RBFOX1: variants seen among roughly 807,000 people sequenced by gnomAD.
RBFOX1 encodes the protein RNA binding fox-1 homolog 1.
Under a neutral mutation model 57.7 loss-of-function variants are expected in RBFOX1, and 8 were observed. The ratio of observed to expected loss-of-function variants is 0.14; its 90% CI spans 0.08 to 0.25. The LOEUF (loss-of-function observed/expected upper bound fraction) is 0.25. Ranked by LOEUF, RBFOX1 falls within the 10% of genes least tolerant of loss-of-function variation. The pLI is 1.00. For missense variants in RBFOX1, 611 were observed against 548.5 expected (o/e 1.11, Z -1.14); for synonymous variants, 326 against 222.4 (o/e 1.47, Z -4.15).
intron 3 of RBFOX1, among the ~76,000 whole-genome samples, chr16:5,705,276 GT>G: frequency 6.6e-6 from 1 of 151,992 alleles, no homozygotes; most frequent in East Asian, 1.9e-4. Context: ...TATTTTTTTA[GT>G]TTTAGACAGG....
chr16:6,127,275 C>T (rs2096596701), intron 1 of RBFOX1, among the ~76,000 whole-genome samples: 1 of 141,454 alleles, frequency 7.1e-6, no homozygotes, highest in South Asian at 2.2e-4. Context: ...TTTTGTCTCT[C>T]TCTTTTTTTA....
intron 4 of RBFOX1, among the ~76,000 whole-genome samples, chr16:7,435,393 A>G (rs9931840): frequency 0.01 from 1,551 of 152,142 alleles, 23 homozygotes; most frequent in African/African-American, 0.035. Context: ...ACATATTATG[A>G]AAATGACTTA....
chr16:5,446,008 T>A (rs948218626), intron 1 of RBFOX1, among the ~76,000 whole-genome samples: 2 of 152,228 alleles, frequency 1.3e-5, no homozygotes, highest in Non-Finnish European at 2.9e-5. Flanking sequence ...AACAATCACA[T>A]TGATTTTTTG....
At chr16:6,295,187 G>A (rs1161945546) in intron 1 of RBFOX1, among the ~76,000 whole-genome samples, 1 of 149,478 alleles carries the variant, frequency 6.7e-6, no homozygotes, top group Non-Finnish European at 1.5e-5. Context: ...GCAGTGGTGC[G>A]ATCTCAGCTT....
At position 5,315,249 on chromosome 16, in the gene RBFOX1, G is replaced by A. The variant is rs559895687; in HGVS notation, c.219+75144G>A. 2.6e-5 allele frequency among the ~76,000 whole-genome samples: 4 copies of A among 152,296 alleles called. No homozygotes were observed. The South Asian group carries it at 8.3e-4, about 32-fold the overall frequency. On this transcript the variant is annotated intron_variant, in intron 1 of 2. Transcript: ENST00000585867. ...CGATGAGGCCCATCTGCTGTGGGAC[G>A]GGGGAGGAGGCCGTCCGTCTGTCCA...
chr16:6,793,902 C>A (rs1170147520), intron 3 of RBFOX1, among the ~76,000 whole-genome samples: 1 of 152,006 alleles, frequency 6.6e-6, no homozygotes, highest in Non-Finnish European at 1.5e-5. Context: ...ACATCTATCT[C>A]CCTCTTGAGC....
At chr16:5,364,567 A>T (rs549008646) in intron 1 of RBFOX1, among the ~76,000 whole-genome samples, 2 of 152,176 alleles carry the variant, frequency 1.3e-5, no homozygotes, top group Non-Finnish European at 2.9e-5. Context: ...CTTTGTGATG[A>T]TACTTACTCC....
intron 4 of RBFOX1, among the ~76,000 whole-genome samples, chr16:5,949,525 CAAA>C (rs59221283): frequency 8.4e-4 from 27 of 32,296 alleles, no homozygotes; most frequent in Non-Finnish European, 1.6e-3. Context: ...GAGTCCATCT[CAAA>C]AAAAAAAAAA....
In RBFOX1 at chr16:7,098,232, C is replaced by T. The variant is rs559359953; in HGVS notation, c.27+46134C>T. On this transcript the variant is annotated intron_variant, in intron 4 of 15. Transcript: ENST00000550418. Reference sequence around the variant, plus strand: ...TCATCCAAGCTAGAGTGCAGTGGCACGATCTTGGCCCATTACAACCTCCGC... The same window carrying T: ...TCATCCAAGCTAGAGTGCAGTGGCATGATCTTGGCCCATTACAACCTCCGC... 1.4e-3 allele frequency among the ~76,000 whole-genome samples: 215 copies of T among 152,310 alleles called. 1 individual carries two copies. The highest frequency in any genetic ancestry group is 3.4e-3 in the Middle Eastern group (1 of 294).
intron 3 of RBFOX1, among the ~76,000 whole-genome samples, chr16:6,794,531 A>C (rs1034144466): frequency 2.6e-5 from 4 of 152,074 alleles, no homozygotes; most frequent in Non-Finnish European, 4.4e-5. Flanking sequence ...ATAAGTTCCT[A>C]ATTATTTTAA....
At chr16:7,398,105 G>T (rs1294134648) in intron 4 of RBFOX1, among the ~76,000 whole-genome samples, 1 of 152,108 alleles carries the variant, frequency 6.6e-6, no homozygotes, top group African/African-American at 2.4e-5. Flanking sequence ...AATTGATAAA[G>T]AATTTGCAAC....
chr16:5,381,763 A>G (rs1156329526), intron 1 of RBFOX1, among the ~76,000 whole-genome samples: 1 of 152,204 alleles, frequency 6.6e-6, no homozygotes, highest in Non-Finnish European at 1.5e-5. Flanking sequence ...ACAACTCTGG[A>G]AGTTAGGTCC....
chr16:5,542,924 T>C (rs2045021893), intron 2 of RBFOX1, among the ~76,000 whole-genome samples: 1 of 152,196 alleles, frequency 6.6e-6, no homozygotes. Context: ...GAAGGACCAG[T>C]ACCTGGTGCT....
intron 4 of RBFOX1, among the ~76,000 whole-genome samples, chr16:5,986,774 C>A (rs949745458): frequency 6.6e-6 from 1 of 152,158 alleles, no homozygotes; most frequent in East Asian, 1.9e-4. Flanking sequence ...TTGCACTGTT[C>A]ACTTGTTGAA....
At chr16:6,193,429 A>AT (rs2097160181) in intron 1 of RBFOX1, among the ~76,000 whole-genome samples, 1 of 63,308 alleles carries the variant, frequency 1.6e-5, no homozygotes, top group Non-Finnish European at 3.5e-5. Context: ...TATATATAAA[A>AT]TTCAGTGAGA....
chr16:7,681,741 G>A (rs963640208), intron 14 of RBFOX1, among the ~76,000 whole-genome samples: 1 of 151,874 alleles, frequency 6.6e-6, no homozygotes, highest in African/African-American at 2.4e-5. Context: ...CCATGGGATA[G>A]GATATAGTTT....
At chr16:6,868,663 G>T (rs1352835860) in intron 3 of RBFOX1, among the ~76,000 whole-genome samples, 2 of 152,040 alleles carry the variant, frequency 1.3e-5, no homozygotes, top group African/African-American at 2.4e-5. Context: ...CTAGAGATAG[G>T]GTTTCACCAT....
At chr16:7,153,902 G>C (rs2076582026) in intron 4 of RBFOX1, among the ~76,000 whole-genome samples, 1 of 151,804 alleles carries the variant, frequency 6.6e-6, no homozygotes, top group Non-Finnish European at 1.5e-5. Flanking sequence ...AATTGTTCTA[G>C]TTAGGCATTA....
In RBFOX1 at chr16:5,961,249, A is replaced by C. The variant is rs539990396; in HGVS notation, c.351+93914A>C. ...ATTTGCACCACAGAGCATGCTGAAC[A>C]TTTTACATTAGTTGTTGCATTTAAT... On this transcript the variant is annotated intron_variant, in intron 4 of 19. Transcript: ENST00000641259. Among the ~76,000 whole-genome samples the C allele has an allele frequency of 4.6e-5, 7 of 152,200 alleles. No homozygotes were observed. In the South Asian group the frequency reaches 1.5e-3, roughly 32 times the overall value.
Sources: gnomAD v4.1 joint callset for allele counts (sites outside exome capture counted in the v4.1 genomes callset) on GRCh38, gnomAD v4.1.1 for gene constraint, MANE v1.5 for transcripts, NCBI Gene and HGNC (gene_info 2026-07-23, HGNC 2026-07-21) for gene names.